The following ADCY9 variants were observed in gnomAD, a reference collection of about 807,000 sequenced individuals.
ADCY9 encodes the protein adenylate cyclase type 9.
ADCY9 carries 50 observed loss-of-function variants against 101.5 expected under a neutral mutation model. That is an observed-to-expected ratio of 0.49 (90% CI 0.39 to 0.62). ADCY9 has a LOEUF of 0.62. ADCY9 is among the 20% of genes least tolerant of loss of function. The pLI, the probability that ADCY9 is intolerant of heterozygous loss-of-function variation, is 0.00. For synonymous variants in ADCY9, 905 were observed against 769.3 expected, an observed-to-expected ratio of 1.18 and a Z score of -2.92; for missense variants, 1,662 against 1,800.4, an observed-to-expected ratio of 0.92 and a Z score of 1.39.
rs546803650 is a variant in ADCY9, at chr16:3,999,477, A to AAGGAGGACCCAGGAATAATCCTGGCACC, written c.1885-5995_1885-5968dup. 1.4e-3 allele frequency among the ~76,000 whole-genome samples: 217 copies of AAGGAGGACCCAGGAATAATCCTGGCACC among 152,254 alleles called. 2 individuals carry two copies. The highest frequency in any genetic ancestry group is 4.8e-3 in the African/African-American group (199 of 41,560). On this transcript the variant is annotated intron_variant, in intron 3 of 10. Coordinates refer to ENST00000294016, the MANE Select transcript of ADCY9 (RefSeq NM_001116.4). ...TGGCTCTGGCCCCCTTTCCTGGCAC[A>AAGGAGGACCCAGGAATAATCCTGGCACC]AGGAGGACCCAGGAATAATCCTGGC...
intron 9 of ADCY9, among the ~76,000 whole-genome samples, chr16:3,976,384 A>G (rs907477703): frequency 1.3e-5 from 2 of 152,204 alleles, no homozygotes; most frequent in African/African-American, 4.8e-5. Flanking sequence ...CAAATATTTT[A>G]AATATAGCAC....
chr16:4,035,998 C>CAAAAAAAAAA (rs55792873), intron 2 of ADCY9, among the ~76,000 whole-genome samples: 1 of 23,168 alleles, frequency 4.3e-5, no homozygotes, highest in Non-Finnish European at 7.2e-5. Context: ...AACTCCATCT[C>CAAAAAAAAAA]AAAAAAAAAA....
intron 7 of ADCY9, 69 bp downstream of exon 7, chr16:3,983,163 C>T (rs1173576281): frequency 2.1e-6 from 3 of 1,420,160 alleles, no homozygotes; most frequent in African/African-American, 1.4e-5. Flanking sequence ...ACCGCTCAGC[C>T]ATAAGCCATG....
intron 2 of ADCY9, among the ~76,000 whole-genome samples, chr16:4,049,325 A>G (rs1333823392): frequency 1.3e-5 from 2 of 152,156 alleles, no homozygotes; most frequent in African/African-American, 4.8e-5. Flanking sequence ...GTGGAGAGAA[A>G]GTCGGAAGGG....
rs1201099275 is a variant in ADCY9, at chr16:4,035,737, A to G, written c.1694-28179T>C. 2.6e-5 allele frequency among the ~76,000 whole-genome samples: 4 copies of G among 151,980 alleles called. No homozygotes were observed. The East Asian group carries it at 5.8e-4, about 22-fold the overall frequency. On this transcript the variant is annotated intron_variant, in intron 2 of 10. Coordinates refer to ENST00000294016, the MANE Select transcript of ADCY9 (RefSeq NM_001116.4). ...AAGGGGGCCGGGCACGGTGGCTCACACCTGGAATCCCAGCACTTTGGGATG... is the reference window on the plus strand; with the variant it reads ...AAGGGGGCCGGGCACGGTGGCTCACGCCTGGAATCCCAGCACTTTGGGATG...
chr16:4,078,953 G>A (rs1292880014), intron 2 of ADCY9, among the ~76,000 whole-genome samples: 1 of 152,102 alleles, frequency 6.6e-6, no homozygotes, highest in Non-Finnish European at 1.5e-5. Context: ...CAAAGACAAC[G>A]GCAAATAAGG....
At chr16:4,075,753 G>GT in intron 2 of ADCY9, among the ~76,000 whole-genome samples, 1 of 152,282 alleles carries the variant, frequency 6.6e-6, no homozygotes, top group South Asian at 2.1e-4. Context: ...CAGCGGGGGG[G>GT]CCAGGCGGGA....
downstream of ADCY9, among the ~76,000 whole-genome samples, chr16:3,958,754 C>T (rs183005942): frequency 2.9e-5 from 4 of 139,594 alleles, no homozygotes; most frequent in Admixed American, 2.3e-4. Context: ...TCACTGCAAC[C>T]TCTGCCTCCT....
intron 3 of ADCY9, among the ~76,000 whole-genome samples, chr16:3,996,318 T>C (rs2056286425): frequency 1.3e-5 from 2 of 152,192 alleles, no homozygotes; most frequent in African/African-American, 4.8e-5. Flanking sequence ...ACTGTGATTG[T>C]GCCACTGCAC....
rs1401997144 is a variant in ADCY9, at chr16:4,114,111, A to G, written c.1332T>C (p.Cys444=). The G allele has an allele frequency of 6.2e-7, 1 of 1,613,880 alleles. No homozygotes were observed. Among genetic ancestry groups the G allele is most frequent in the East Asian group, 2.2e-5 (1 of 44,890 alleles). The part of the protein sequence containing the change: ...KCEKISTLGD[C]YYCVAGCPEP... ...CGGGACAGCCCGCCACGCAGTAGTAACAGTCTCCCAGGGTGCTGATTTTCT... is the reference window on the plus strand; with the variant it reads ...CGGGACAGCCCGCCACGCAGTAGTAGCAGTCTCCCAGGGTGCTGATTTTCT... The change falls in exon 2 of 11, where the codon TGT becomes TGC. Residue 444 remains cysteine (C), a synonymous_variant. Transcript: ENST00000294016. The surrounding 1 kb of genome is among the most constrained non-coding windows in gnomAD (Gnocchi z 4.3).
Position 3,966,701 on chromosome 16 carries a change from C to G in ADCY9, c.3136G>C (p.Val1046Leu). The G allele has an allele frequency of 1.9e-6, 3 of 1,614,100 alleles. No individual in the cohort carries two copies. Among genetic ancestry groups the G allele is most frequent in the Non-Finnish European group, 2.5e-6 (3 of 1,179,984 alleles). Residue 1046 changes from valine to leucine, a missense_variant, in exon 11 of 11, where the codon GTG (valine) becomes CTG (leucine). Val to Leu is a conservative substitution (Grantham distance 32). Coordinates refer to ENST00000294016, the MANE Select transcript of ADCY9 (RefSeq NM_001116.4). ...IPYHVAEQLK[V>L]SQTYSKNHDS... ...TGGTTCTTGGAGTAGGTCTGGGACA[C>G]CTTCAGCTGCTCAGCCACGTGGTAG...
chr16:4,083,184 G>C (rs1052125582), intron 2 of ADCY9, among the ~76,000 whole-genome samples: 2 of 152,130 alleles, frequency 1.3e-5, no homozygotes, highest in African/African-American at 4.8e-5. Context: ...GGTAATTTTA[G>C]TTAGGTTTTC....
Position 3,963,461 on chromosome 16 carries a change from G to C in ADCY9, c.*2314C>G, listed in dbSNP as rs962685294. On this transcript the variant is annotated 3_prime_UTR_variant, in exon 11 of 11. Transcript: ENST00000294016. Reference sequence around the variant, plus strand: ...GACCCGAGGGGCTTCGTGGCCCAGAGAGAACGTCTGCACTGGCTGTTTAGG... The same window carrying C: ...GACCCGAGGGGCTTCGTGGCCCAGACAGAACGTCTGCACTGGCTGTTTAGG... 1.0e-5 allele frequency: 4 copies of C among 396,966 alleles called. No individual in the cohort carries two copies. The highest frequency in any genetic ancestry group is 1.8e-5 in the Non-Finnish European group (4 of 225,018). The allele number at this position is 396,966 out of a possible 1,614,324, so 24.6% of individuals were successfully genotyped here. A position where few individuals can be genotyped will look rare whatever the true frequency, so the allele number is the denominator to read the frequency against.
intron 2 of ADCY9, among the ~76,000 whole-genome samples, chr16:4,071,332 CAAAAAAAAAAAAAAAA>C (rs530420293): frequency 1.3e-4 from 9 of 70,522 alleles, no homozygotes; most frequent in East Asian, 5.2e-4. Context: ...ACTCAGTCTC[CAAAAAAAAAAAAAAAA>C]AAAAAAAAAA....
intron 2 of ADCY9, among the ~76,000 whole-genome samples, chr16:4,113,079 C>T (rs1358835303): frequency 2.0e-5 from 3 of 151,640 alleles, no homozygotes; most frequent in Non-Finnish European, 2.9e-5. Flanking sequence ...GCTGGAGAAG[C>T]TCAATATGAA....
At chr16:3,971,856 CT>C (rs2056054860) in intron 10 of ADCY9, among the ~76,000 whole-genome samples, 3 of 152,194 alleles carry the variant, frequency 2.0e-5, no homozygotes, top group Admixed American at 1.3e-4. Context: ...TCAGTTATCG[CT>C]TGTACAGCTC....
intron 10 of ADCY9, among the ~76,000 whole-genome samples, chr16:3,968,374 C>T (rs1025469471): frequency 4.6e-5 from 7 of 151,524 alleles, no homozygotes; most frequent in Admixed American, 1.3e-4. Flanking sequence ...TCAGGTGATC[C>T]GCCCACCTCA....
intron 2 of ADCY9, 125 bp from the exon 3 acceptor site, chr16:4,007,683 G>T: frequency 1.3e-6 from 1 of 779,174 alleles, no homozygotes; most frequent in Non-Finnish European, 2.0e-6. Context: ...AATGTGAATA[G>T]GTCATAGTTT....
rs35732229 is a variant in ADCY9 at position 4,097,553 on chromosome 16, ATTTTT to A, written c.1693+16192_1693+16196del. Among the ~76,000 whole-genome samples the A allele has an allele frequency of 2.8e-4, 15 of 53,416 alleles. 1 individual carries two copies. The highest frequency in any genetic ancestry group is 1.3e-3 in the African/African-American group (15 of 11,588). 35.0% of individuals were successfully genotyped at this position (53,416 alleles called of 152,430 possible). ...CATATATATATATATATATATATAT[ATTTTT>A]TTTTTTTTTTTTTAAGACAGAGTCT... On this transcript the variant is annotated intron_variant, in intron 2 of 10. Transcript: ENST00000294016.
Sources: gnomAD v4.1 joint callset for allele counts (sites outside exome capture counted in the v4.1 genomes callset) on GRCh38, gnomAD v4.1.1 for gene constraint, Gnocchi (gnomAD v3.1) non-coding constraint, MANE v1.5 for transcripts, NCBI Gene and HGNC (gene_info 2026-07-23, HGNC 2026-07-21) for gene names.